The following ARPC1A variants were observed in gnomAD, a reference collection of about 807,000 sequenced individuals.
ARPC1A encodes actin related protein 2/3 complex subunit 1A, also known as actin-related protein 2/3 complex subunit 1A.
A neutral mutation model predicts 46.9 loss-of-function variants in ARPC1A; 8 were observed. That is an observed-to-expected ratio of 0.17 (90% CI 0.10 to 0.31). ARPC1A has a LOEUF of 0.31. Ranked by LOEUF, ARPC1A falls within the 10% of genes least tolerant of loss-of-function variation. The pLI, the probability that ARPC1A is intolerant of heterozygous loss-of-function variation, is 1.00. For missense variants in ARPC1A, 286 were observed against 483.6 expected (o/e 0.59, Z 3.83); for synonymous variants, 152 against 169.0 (o/e 0.90, Z 0.78).
intron 8 of ARPC1A, among the ~76,000 whole-genome samples, chr7:99,362,002 C>T (rs974240435): frequency 1.3e-5 from 2 of 152,056 alleles, no homozygotes; most frequent in Non-Finnish European, 2.9e-5. Flanking sequence ...TATTTAAAAA[C>T]GTAAAAGCCG....
At chr7:99,351,281 C>T (rs10232076) in intron 5 of ARPC1A, among the ~76,000 whole-genome samples, 38,156 of 151,986 alleles carry the variant, frequency 0.25, 8,258 homozygotes, top group African/African-American at 0.58. Flanking sequence ...TGGTGTGATC[C>T]TGGCTCACTG....
intron 4 of ARPC1A, among the ~76,000 whole-genome samples, chr7:99,348,369 G>A (rs1415231403): frequency 1.3e-5 from 2 of 152,212 alleles, no homozygotes; most frequent in Admixed American, 1.3e-4. Flanking sequence ...GGCCAGGAGT[G>A]GAGAAGGCCT....
chr7:99,362,784 G>C (rs1335620999), intron 8 of ARPC1A, among the ~76,000 whole-genome samples: 3 of 152,028 alleles, frequency 2.0e-5, no homozygotes, highest in Non-Finnish European at 4.4e-5. Context: ...AATATTGTCT[G>C]AGCAATGGAT....
At chr7:99,327,191 CT>C (rs748190485) in intron 1 of ARPC1A, among the ~76,000 whole-genome samples, 534 of 143,012 alleles carry the variant, frequency 3.7e-3, no homozygotes, top group African/African-American at 5.7e-3. Context: ...TGTTGTCTTC[CT>C]TTTTTTTTTT....
At chr7:99,362,645 G>C (rs987494589) in intron 8 of ARPC1A, among the ~76,000 whole-genome samples, 3 of 150,218 alleles carry the variant, frequency 2.0e-5, no homozygotes, top group African/African-American at 7.3e-5. Context: ...CCTGGCCTTT[G>C]TTGTTTTTTT....
chr7:99,329,950 CA>C (rs1036352271), intron 1 of ARPC1A, among the ~76,000 whole-genome samples: 40 of 151,942 alleles, frequency 2.6e-4, no homozygotes, highest in Middle Eastern at 3.4e-3. Flanking sequence ...GTTATAACAG[CA>C]TGTTATTTTG....
chr7:99,353,843 T>C, intron 5 of ARPC1A, 66 bp from the exon 6 acceptor site: 1 of 1,479,482 alleles, frequency 6.8e-7, no homozygotes, highest in Non-Finnish European at 9.3e-7. Flanking sequence ...GGCAGCTGCC[T>C]ATGGCCTGTT....
At chr7:99,342,652 T>TA (rs1793373837) in intron 3 of ARPC1A, among the ~76,000 whole-genome samples, 2 of 151,574 alleles carry the variant, frequency 1.3e-5, no homozygotes, top group African/African-American at 4.9e-5. Context: ...CCTTCAGTGG[T>TA]ACAAAAAATT....
At chr7:99,330,762 T>G (rs1793132076) in intron 1 of ARPC1A, among the ~76,000 whole-genome samples, 1 of 152,202 alleles carries the variant, frequency 6.6e-6, no homozygotes, top group South Asian at 2.1e-4. Context: ...TATCTCACAT[T>G]TCAGCCTCCA....
At chr7:99,358,163 C>T (rs576334029) in intron 6 of ARPC1A, among the ~76,000 whole-genome samples, 177 bp from the exon 7 acceptor site, 5 of 152,252 alleles carry the variant, frequency 3.3e-5, no homozygotes, top group Admixed American at 3.3e-4. Context: ...GAGCCGGAAC[C>T]CAGGGCTGCC....
At position 99,351,275 on chromosome 7, in the gene ARPC1A, G is replaced by A. The variant is rs141112217; in HGVS notation, c.500+2316G>A. Among the ~76,000 whole-genome samples, 23 of 152,230 alleles carry A rather than the reference G, an allele frequency of 1.5e-4. No individual in the cohort carries two copies. In the East Asian group the frequency reaches 4.4e-3, roughly 29 times the overall value. ...GTCACAAAAGCTGGAGTGCAGTGGT[G>A]TGATCCTGGCTCACTGCAACCTCTG... On this transcript the variant is annotated intron_variant, in intron 5 of 9. Transcript: ENST00000262942.
intron 3 of ARPC1A, chr7:99,339,891 C>A (rs970946049): frequency 2.5e-5 from 11 of 437,672 alleles, no homozygotes; most frequent in Admixed American, 2.4e-4. Flanking sequence ...GTTGCCAGGC[C>A]TCATCAGATT....
intron 1 of ARPC1A, among the ~76,000 whole-genome samples, chr7:99,331,693 C>T (rs917179879): frequency 4.0e-5 from 6 of 151,844 alleles, no homozygotes; most frequent in South Asian, 2.1e-4. Context: ...CTGAGGAGGG[C>T]GGGTCACTTG....
At chr7:99,365,177 G>A (rs527303324) in intron 9 of ARPC1A, among the ~76,000 whole-genome samples, 12 of 152,266 alleles carry the variant, frequency 7.9e-5, no homozygotes, top group Non-Finnish European at 5.9e-5. Context: ...GTAGCCAGGC[G>A]CAGTGGCTCA....
intron 6 of ARPC1A, 149 bp from the exon 7 acceptor site, chr7:99,358,191 G>C (rs1793674300): frequency 1.4e-6 from 1 of 722,538 alleles, no homozygotes; most frequent in African/African-American, 1.8e-5. Flanking sequence ...TGAGAGGCCT[G>C]CAAGTTGAGG....
chr7:99,338,603 C>G (rs1793306939), intron 3 of ARPC1A, among the ~76,000 whole-genome samples: 1 of 151,832 alleles, frequency 6.6e-6, no homozygotes, highest in Non-Finnish European at 1.5e-5. Context: ...TCAAGCTGGT[C>G]TCGAACCCCT....
intron 5 of ARPC1A, among the ~76,000 whole-genome samples, chr7:99,349,453 C>T (rs1270715609): frequency 2.6e-5 from 4 of 151,980 alleles, no homozygotes; most frequent in African/African-American, 9.7e-5. Context: ...ACCTGTAATC[C>T]CAGCACTTTG....
intron 3 of ARPC1A, among the ~76,000 whole-genome samples, chr7:99,338,921 A>C (rs1368707873): frequency 6.6e-6 from 1 of 152,154 alleles, no homozygotes; most frequent in Non-Finnish European, 1.5e-5. Flanking sequence ...CGTGCGCCAA[A>C]CTATTTCCAA....
At chr7:99,334,929 C>T (rs141349833) in intron 2 of ARPC1A, among the ~76,000 whole-genome samples, 1,717 of 152,176 alleles carry the variant, frequency 0.011, 30 homozygotes, top group African/African-American at 0.038. Context: ...CTGCAAGCTC[C>T]GCCTCCGGGG....
Sources: gnomAD v4.1 joint callset for allele counts (sites outside exome capture counted in the v4.1 genomes callset) on GRCh38, gnomAD v4.1.1 for gene constraint, MANE v1.5 for transcripts, NCBI Gene and HGNC (gene_info 2026-07-23, HGNC 2026-07-21) for gene names.